Variants in ATRNL1 observed in about 807,000 individuals in gnomAD.
ATRNL1 encodes the protein attractin like 1.
A neutral mutation model predicts 182.7 loss-of-function variants in ATRNL1; 95 were observed. The ratio of observed to expected loss-of-function variants is 0.52; its 90% CI spans 0.44 to 0.62. The LOEUF is 0.62. Among genes scored for constraint, ATRNL1 ranks in the 20% least tolerant of loss-of-function variants. The pLI, the probability that ATRNL1 is intolerant of heterozygous loss-of-function variation, is 0.00. For synonymous variants in ATRNL1, 576 were observed against 568.3 expected, an observed-to-expected ratio of 1.01 and a Z score of -0.19; for missense variants, 1,471 against 1,679.5, an observed-to-expected ratio of 0.88 and a Z score of 2.17.
intron 28 of ATRNL1, among the ~76,000 whole-genome samples, chr10:115,928,805 T>C (rs1383663532): frequency 3.3e-5 from 5 of 152,054 alleles, no homozygotes; most frequent in African/African-American, 9.7e-5. Flanking sequence ...TTCATAGGAC[T>C]TAATCAGTGT....
chr10:115,271,203 T>G (rs1295220348), intron 13 of ATRNL1, among the ~76,000 whole-genome samples: 1 of 141,838 alleles, frequency 7.1e-6, no homozygotes. Context: ...CACACACAGA[T>G]GTATTCTTAG....
intron 18 of ATRNL1, among the ~76,000 whole-genome samples, chr10:115,329,863 C>T (rs992372108): frequency 6.6e-6 from 1 of 151,990 alleles, no homozygotes; most frequent in Admixed American, 6.6e-5. Context: ...AGAATTTAAG[C>T]CCTTTACATT....
intron 28 of ATRNL1, among the ~76,000 whole-genome samples, chr10:115,938,099 CTA>C (rs1486036928): frequency 6.6e-6 from 1 of 152,090 alleles, no homozygotes; most frequent in African/African-American, 2.4e-5. Context: ...AATGGAAGTG[CTA>C]TGTTTGTATA....
intron 24 of ATRNL1, among the ~76,000 whole-genome samples, chr10:115,494,999 T>C (rs545403288): frequency 6.6e-6 from 1 of 152,312 alleles, no homozygotes; most frequent in East Asian, 1.9e-4. Flanking sequence ...TTTTTATTTC[T>C]GATTCCATTT....
At chr10:115,502,072 T>C (rs557498814) in intron 24 of ATRNL1, among the ~76,000 whole-genome samples, 1 of 152,282 alleles carries the variant, frequency 6.6e-6, no homozygotes, top group Admixed American at 6.5e-5. Context: ...GTTATGTCTG[T>C]GGCACACAAT....
At chr10:115,409,195 C>T (rs112486224) in intron 20 of ATRNL1, among the ~76,000 whole-genome samples, 52 of 152,106 alleles carry the variant, frequency 3.4e-4, no homozygotes, top group East Asian at 7.7e-4. Flanking sequence ...AATTGTGATT[C>T]GTGGGCATGA....
chr10:115,803,958 G>T (rs1565393652), intron 27 of ATRNL1, among the ~76,000 whole-genome samples: 1 of 152,098 alleles, frequency 6.6e-6, no homozygotes, highest in Admixed American at 6.6e-5. Flanking sequence ...TAATTGTTAT[G>T]CATTGTAAAT....
At chr10:115,746,698 G>A (rs942578380) in intron 27 of ATRNL1, among the ~76,000 whole-genome samples, 3 of 151,962 alleles carry the variant, frequency 2.0e-5, no homozygotes, top group Non-Finnish European at 1.5e-5. Context: ...CTCAGCTGAA[G>A]TGCATAACAG....
intron 26 of ATRNL1, among the ~76,000 whole-genome samples, chr10:115,661,759 ACT>A (rs1860700733): frequency 6.8e-6 from 1 of 146,210 alleles, no homozygotes; most frequent in African/African-American, 2.4e-5. Context: ...CTTGGCTGTG[ACT>A]CAATTAAAAT....
intron 8 of ATRNL1, among the ~76,000 whole-genome samples, chr10:115,196,878 G>A (rs1292739219): frequency 6.6e-6 from 1 of 152,030 alleles, no homozygotes; most frequent in African/African-American, 2.4e-5. Flanking sequence ...CTTTTTCAGT[G>A]TGTATGCCTT....
At chr10:115,426,807 C>A (rs1845922480) in intron 21 of ATRNL1, among the ~76,000 whole-genome samples, 1 of 152,154 alleles carries the variant, frequency 6.6e-6, no homozygotes, top group African/African-American at 2.4e-5. Context: ...TCACTGCAAC[C>A]CCTGCCTCCC....
intron 26 of ATRNL1, among the ~76,000 whole-genome samples, chr10:115,567,194 G>A (rs1854121062): frequency 6.6e-6 from 1 of 151,828 alleles, no homozygotes; most frequent in Non-Finnish European, 1.5e-5. Context: ...GCTGTGAAAT[G>A]GTATGTAGCT....
chr10:115,722,537 T>C (rs1360705062), intron 26 of ATRNL1, among the ~76,000 whole-genome samples: 1 of 152,170 alleles, frequency 6.6e-6, no homozygotes, highest in Non-Finnish European at 1.5e-5. Context: ...AAAATGATTT[T>C]TTACTTGTAT....
At chr10:115,579,857 T>C (rs1347426588) in intron 26 of ATRNL1, among the ~76,000 whole-genome samples, 2 of 152,032 alleles carry the variant, frequency 1.3e-5, no homozygotes, top group African/African-American at 4.8e-5. Flanking sequence ...TTTTAATTGC[T>C]GTTCCTTTTT....
chr10:115,288,298 C>T (rs1852725365), intron 15 of ATRNL1, among the ~76,000 whole-genome samples: 1 of 152,058 alleles, frequency 6.6e-6, no homozygotes, highest in Non-Finnish European at 1.5e-5. Context: ...TTCTGAGGAA[C>T]TTCTATATTG....
rs139268296 is a variant in ATRNL1 at position 115,408,660 on chromosome 10, G to A, written c.3269+13908G>A. Reference sequence around the variant, plus strand: ...TCTTTTCCCAGATCCATGTCCTGAAGCATTCCCCTGGCGTTTTTTTCTAGT... The same window carrying A: ...TCTTTTCCCAGATCCATGTCCTGAAACATTCCCCTGGCGTTTTTTTCTAGT... On this transcript the variant is annotated intron_variant, in intron 20 of 28. Transcript: ENST00000355044. Among the ~76,000 whole-genome samples, 19 of 152,128 alleles carry A rather than the reference G, an allele frequency of 1.2e-4. No individual in the cohort carries two copies. The East Asian group carries it at 3.7e-3, about 29-fold the overall frequency.
chr10:115,408,774 A>C (rs1844989721), intron 20 of ATRNL1, among the ~76,000 whole-genome samples: 1 of 151,698 alleles, frequency 6.6e-6, no homozygotes, highest in Non-Finnish European at 1.5e-5. Context: ...GGTCTAGTTT[A>C]ATTCTAATGC....
intron 26 of ATRNL1, among the ~76,000 whole-genome samples, chr10:115,711,382 T>C (rs1455995454): frequency 6.6e-6 from 1 of 152,162 alleles, no homozygotes; most frequent in African/African-American, 2.4e-5. Context: ...GAGAGGCAGA[T>C]TCATCTGTAG....
chr10:115,104,112 C>G (rs1554865323), intron 1 of ATRNL1, among the ~76,000 whole-genome samples: 1 of 152,106 alleles, frequency 6.6e-6, no homozygotes, highest in African/African-American at 2.4e-5. Context: ...TTTTGAGGAA[C>G]CTGCAAACTG....
Sources: gnomAD v4.1 joint callset for allele counts (sites outside exome capture counted in the v4.1 genomes callset) on GRCh38, gnomAD v4.1.1 for gene constraint, MANE v1.5 for transcripts, NCBI Gene and HGNC (gene_info 2026-07-23, HGNC 2026-07-21) for gene names.